CAT: variants seen among roughly 807,000 people sequenced by gnomAD.
The protein encoded by CAT is epididymis secretory sperm binding protein.
In CAT, 43 loss-of-function variants were observed where a neutral mutation model predicts 59.0. That is an observed-to-expected ratio of 0.73 (90% CI 0.57 to 0.94). The LOEUF (loss-of-function observed/expected upper bound fraction) is 0.94, where lower values mean the gene tolerates loss of function less well. Ranked by LOEUF, CAT falls within the 40% of genes least tolerant of loss-of-function variation. The pLI is 0.00. For missense variants in CAT, 664 were observed against 682.9 expected, an observed-to-expected ratio of 0.97 and a Z score of 0.31; for synonymous variants, 218 against 230.9, an observed-to-expected ratio of 0.94 and a Z score of 0.51.
intron 1 of CAT, among the ~76,000 whole-genome samples, chr11:34,447,983 T>C (rs1856478856): frequency 6.6e-6 from 1 of 152,208 alleles, no homozygotes; most frequent in Non-Finnish European, 1.5e-5. Flanking sequence ...AAGATATAAC[T>C]CTAGTGGCAA....
chr11:34,461,733 A>C, intron 9 of CAT, among the ~76,000 whole-genome samples: 1 of 152,242 alleles, frequency 6.6e-6, no homozygotes, highest in East Asian at 1.9e-4. Flanking sequence ...ACTTCACCAA[A>C]ATGGACAATT....
chr11:34,466,780 CAAAAAA>C (rs71457350), intron 10 of CAT, among the ~76,000 whole-genome samples: 11 of 41,142 alleles, frequency 2.7e-4, no homozygotes, highest in African/African-American at 4.3e-4. Context: ...GACTCCGTCT[CAAAAAA>C]AAAAAAAAAA....
In CAT at chr11:34,468,393, G is replaced by A; in HGVS notation, c.1432G>A (p.Ala478Thr). The A allele has an allele frequency of 1.2e-6, 2 of 1,611,094 alleles. No homozygotes were observed. Among genetic ancestry groups the A allele is most frequent in the South Asian group, 1.1e-5 (1 of 91,024 alleles). Residue 478 changes from alanine to threonine, a missense_variant and splice_region_variant, in exon 11 of 13, where the codon GCG (alanine) becomes ACG (threonine). Physicochemically the swap from Ala to Thr is moderately conservative, Grantham distance 58 (BLOSUM62 0). Coordinates refer to ENST00000241052, the MANE Select transcript of CAT (RefSeq NM_001752.4). ...TGCACAAATTTTCATCCAGAAGAAA[G>A]CGGTGAGTCTTTGTAAGCTGAAGGG... ...KDAQIFIQKK[A>T]VKNFTEVHPD... is the part of the protein sequence containing the mutation.
intron 8 of CAT, among the ~76,000 whole-genome samples, chr11:34,459,451 A>C (rs532133075): frequency 5.3e-5 from 8 of 152,242 alleles, no homozygotes; most frequent in Non-Finnish European, 1.2e-4. Flanking sequence ...AAATGGACAA[A>C]TAATATAATA....
intron 1 of CAT, among the ~76,000 whole-genome samples, chr11:34,446,628 C>T (rs569078081): frequency 6.6e-6 from 1 of 152,344 alleles, no homozygotes; most frequent in South Asian, 2.1e-4. Flanking sequence ...TTAGGGGCAG[C>T]TCCCTCCCCA....
chr11:34,452,666 C>T (rs1327654593), intron 4 of CAT, among the ~76,000 whole-genome samples: 1 of 151,790 alleles, frequency 6.6e-6, no homozygotes, highest in African/African-American at 2.4e-5. Flanking sequence ...CCAGCCTGGG[C>T]AACATGGCAA....
rs1856560182 is a variant in CAT at position 34,453,933 on chromosome 11, G to C, written c.711+7G>C. ...TTGCAAATTCCATTATAAGGTATGT[G>C]TTACCTTTGGGGCAGAGGGTACAAG... On this transcript the variant is annotated splice_region_variant and intron_variant, in intron 6 of 12. Transcript: ENST00000241052. 1 of 1,613,108 alleles carries C rather than the reference G, an allele frequency of 6.2e-7. No individual in the cohort carries two copies. The highest frequency in any genetic ancestry group is 8.5e-7 in the Non-Finnish European group (1 of 1,179,336).
intron 4 of CAT, among the ~76,000 whole-genome samples, chr11:34,452,781 G>A (rs1026718075): frequency 4.6e-5 from 7 of 151,780 alleles, no homozygotes; most frequent in Non-Finnish European, 8.8e-5. Context: ...CTTGAGCCCA[G>A]GAGGTCAAAG....
chr11:34,448,233 G>A (rs1856482636), intron 1 of CAT, among the ~76,000 whole-genome samples: 1 of 152,202 alleles, frequency 6.6e-6, no homozygotes. Context: ...TAAAAATAGT[G>A]CTTTTCTCTG....
chr11:34,456,727 A>G lies in CAT; in HGVS notation c.966A>G (p.Pro322=). 2 of 1,614,100 alleles carry G rather than the reference A, an allele frequency of 1.2e-6. No individual in the cohort carries two copies. Among genetic ancestry groups the G allele is most frequent in the East Asian group, 2.2e-5 (1 of 44,882 alleles). ...GTAAACTGGTCTTAAACCGGAATCC[A>G]GTTAATTACTTTGCTGAGGTTGAAC... ...PVGKLVLNRN[P]VNYFAEVEQI... is the part of the protein sequence containing the mutation. The change falls in exon 8 of 13, where the codon CCA becomes CCG. Residue 322 remains proline, a synonymous_variant. Transcript: ENST00000241052.
At position 34,452,116 on chromosome 11, in the gene CAT, G is replaced by C; in HGVS notation, c.389G>C (p.Arg130Pro). ...TCAGCTGACACAGTTCGGGACCCTC[G>C]TGGGTTTGCAGTGAAATTTTACACA... is the stretch of plus-strand genomic sequence containing the variant. ...SGSADTVRDP[R>P]GFAVKFYTED... The change falls in exon 4 of 13, where the codon CGT becomes CCT. Residue 130 changes from arginine (R) to proline (P), a missense_variant. Coordinates refer to ENST00000241052, the MANE Select transcript of CAT (RefSeq NM_001752.4). 6.2e-7 allele frequency: 1 copy of C among 1,613,808 alleles called. No individual in the cohort carries two copies. The highest frequency in any genetic ancestry group is 8.5e-7 in the Non-Finnish European group (1 of 1,179,756).
At chr11:34,468,420 G>A in intron 11 of CAT, 25 bp downstream of exon 11, 12 of 1,498,896 alleles carry the variant, frequency 8.0e-6, no homozygotes, top group Non-Finnish European at 1.1e-5. Flanking sequence ...GCTGAAGGGT[G>A]TCCTCTGCTG....
intron 1 of CAT, among the ~76,000 whole-genome samples, chr11:34,447,857 A>T (rs1304661082): frequency 6.6e-6 from 1 of 152,206 alleles, no homozygotes; most frequent in Non-Finnish European, 1.5e-5. Flanking sequence ...ATAAATAAGT[A>T]ACTTACCAGC....
chr11:34,448,320 C>T (rs1469645591), intron 1 of CAT, among the ~76,000 whole-genome samples: 1 of 152,156 alleles, frequency 6.6e-6, no homozygotes, highest in Non-Finnish European at 1.5e-5. Flanking sequence ...CGTAGCTTTG[C>T]GTCACTTACG....
At chr11:34,471,329 T>G in intron 12 of CAT, 39 bp from the exon 13 acceptor site, 3 of 1,494,298 alleles carry the variant, frequency 2.0e-6, no homozygotes, top group Non-Finnish European at 2.8e-6. Flanking sequence ...TTGCTGCCCA[T>G]GAGGTGATTA....
At chr11:34,470,094 G>T (rs1207029980) in intron 11 of CAT, among the ~76,000 whole-genome samples, 2 of 152,048 alleles carry the variant, frequency 1.3e-5, no homozygotes, top group South Asian at 4.1e-4. Context: ...CAAAGATTTA[G>T]GGGTCATTTC....
chr11:34,465,407 G>A (rs1173645858), intron 10 of CAT, among the ~76,000 whole-genome samples: 1 of 152,090 alleles, frequency 6.6e-6, no homozygotes, highest in East Asian at 1.9e-4. Flanking sequence ...AACATTTCCT[G>A]CATACCTTTT....
At chr11:34,470,742 G>A in intron 11 of CAT, 5 of 598,756 alleles carry the variant, frequency 8.4e-6, no homozygotes, top group South Asian at 7.1e-5. Context: ...AGTAAGTTAA[G>A]TGACCTATCC....
Position 34,439,977 on chromosome 11 carries a change from C to T in CAT, c.66+898C>T, listed in dbSNP as rs17883367. 1.1e-3 allele frequency among the ~76,000 whole-genome samples: 162 copies of T among 152,264 alleles called. No individual in the cohort carries two copies. In the East Asian group the frequency reaches 0.014, roughly 13 times the overall value. On this transcript the variant is annotated intron_variant, in intron 1 of 12. Transcript: ENST00000241052. Reference sequence around the variant, plus strand: ...TGGTGGTGGGGGAGGCATTCCTGGCCTGTGCCCACGGCTGCAGAGTCTCAG... The same window carrying T: ...TGGTGGTGGGGGAGGCATTCCTGGCTTGTGCCCACGGCTGCAGAGTCTCAG...
Sources: gnomAD v4.1 joint callset for allele counts (sites outside exome capture counted in the v4.1 genomes callset) on GRCh38, gnomAD v4.1.1 for gene constraint, MANE v1.5 for transcripts, NCBI Gene and HGNC (gene_info 2026-07-23, HGNC 2026-07-21) for gene names.